Variants in SDHAF2 observed in about 807,000 individuals in gnomAD.
SDHAF2 encodes succinate dehydrogenase complex assembly factor 2.
A neutral mutation model predicts 18.5 loss-of-function variants in SDHAF2; 21 were observed. The observed-to-expected ratio is 1.13, with a 90% CI of 0.80 to 1.63. The LOEUF (loss-of-function observed/expected upper bound fraction) is 1.63. SDHAF2 is among the 40% of genes most tolerant of loss of function. SDHAF2 has a pLI of 0.00. For synonymous variants in SDHAF2, 84 were observed against 70.7 expected, an observed-to-expected ratio of 1.19 and a Z score of -0.94; for missense variants, 195 against 200.3, an observed-to-expected ratio of 0.97 and a Z score of 0.16.
At chr11:61,430,345 GCTTCCATT>G in intron 1 of SDHAF2, 163 bp downstream of exon 1, 1 of 823,988 alleles carries the variant, frequency 1.2e-6, no homozygotes. Context: ...AATAAAGGTC[GCTTCCATT>G]CTTTGGTGAG....
chr11:61,443,651 G>T (rs1438140657), intron 3 of SDHAF2, among the ~76,000 whole-genome samples: 1 of 152,096 alleles, frequency 6.6e-6, no homozygotes, highest in Non-Finnish European at 1.5e-5. Flanking sequence ...TGGCTCTGTC[G>T]CCCAGGCTGG....
chr11:61,437,564 GTAAATGAT>G, intron 1 of SDHAF2, 53 bp from the exon 2 acceptor site: 1 of 1,390,984 alleles, frequency 7.2e-7, no homozygotes, highest in Non-Finnish European at 1.0e-6. Context: ...TAAGCATTGA[GTAAATGAT>G]AGCGATGATA....
rs376560419 is a variant in SDHAF2 at position 61,437,827 on chromosome 11, T to C, written c.239T>C (p.Leu80Ser). ...TATGAGAGCAGAAAGAGGGGAATGT[T>C]GGAAAACTGCATTCTTCTTAGGTAT... The part of the protein sequence containing the change: ...LLYESRKRGM[L>S]ENCILLSLFA... Residue 80 changes from leucine to serine, a missense_variant, in exon 2 of 4, where the codon TTG becomes TCG. By Grantham distance (145) the Leu-to-Ser change is moderately radical. Transcript: ENST00000301761. 56 of 1,613,776 alleles carry C rather than the reference T, an allele frequency of 3.5e-5. No individual in the cohort carries two copies. Among genetic ancestry groups the C allele is most frequent in the Non-Finnish European group, 4.3e-5 (51 of 1,180,020 alleles).
chr11:61,430,915 T>C (rs188684718), intron 1 of SDHAF2: 1 of 152,306 alleles, frequency 6.6e-6, no homozygotes, highest in African/African-American at 2.4e-5. Flanking sequence ...ATGTAGGCGT[T>C]TACACTATAA....
chr11:61,442,986 C>G (rs1862089174), intron 3 of SDHAF2, among the ~76,000 whole-genome samples: 2 of 152,192 alleles, frequency 1.3e-5, no homozygotes, highest in South Asian at 2.1e-4. Context: ...AACTCCTGGC[C>G]TCAAGTGATC....
intron 3 of SDHAF2, among the ~76,000 whole-genome samples, chr11:61,441,369 A>G (rs1263389873): frequency 6.6e-6 from 1 of 151,986 alleles, no homozygotes; most frequent in Non-Finnish European, 1.5e-5. Context: ...CGTCTCTACT[A>G]AAAATACTGG....
rs779242759 is a variant in SDHAF2, at chr11:61,437,996, G to C, written c.261-8G>C. 3 of 1,612,366 alleles carry C rather than the reference G, an allele frequency of 1.9e-6. No individual in the cohort carries two copies. The highest frequency in any genetic ancestry group is 2.5e-6 in the Non-Finnish European group (3 of 1,179,160). The stretch of plus-strand genomic sequence containing the variant: ...ACCTCTTTTTCTTTTTTTCTTTCTT[G>C]TTTTTAGTCTTTTTGCTAAAGAACA... On this transcript the variant is annotated splice_polypyrimidine_tract_variant and splice_region_variant and intron_variant, in intron 2 of 3. Transcript: ENST00000301761.
chr11:61,440,418 G>T (rs1862049521), intron 3 of SDHAF2, among the ~76,000 whole-genome samples: 1 of 152,024 alleles, frequency 6.6e-6, no homozygotes, highest in African/African-American at 2.4e-5. Flanking sequence ...TGGCTAACAC[G>T]GTGAAACCCC....
At position 61,437,718 on chromosome 11, in the gene SDHAF2, C is replaced by T. The variant is rs2134892271; in HGVS notation, c.130C>T (p.Gln44Ter). Residue 44 changes from glutamine (Q) to a stop codon, truncating the protein, a stop_gained, in exon 2 of 4, where the codon CAA (glutamine) becomes TAA (stop). Transcript: ENST00000301761. LOFTEE classifies it high-confidence loss of function. ...CAGAGGTGACAGCCCAACAGATTCC[C>T]AAAAGGACATGATTGAAATCCCTTT... is the stretch of plus-strand genomic sequence containing the variant. ...FYRGDSPTDSQKDMIEIPLPP... is the reference protein window; with the variant it reads ...FYRGDSPTDS 1.9e-6 allele frequency: 3 copies of T among 1,614,170 alleles called. No homozygotes were observed. The highest frequency in any genetic ancestry group is 1.7e-6 in the Non-Finnish European group (2 of 1,180,030).
In SDHAF2 at chr11:61,446,413, T is replaced by C. The variant is rs1018253513; in HGVS notation, c.*342T>C. The C allele has an allele frequency of 3.3e-5, 19 of 575,398 alleles. No individual in the cohort carries two copies. The highest frequency in any genetic ancestry group is 4.5e-4 in the Middle Eastern group (1 of 2,224). 35.6% of individuals were successfully genotyped at this position (575,398 alleles called of 1,614,324 possible). On this transcript the variant is annotated 3_prime_UTR_variant, in exon 4 of 4. Coordinates refer to ENST00000301761, the MANE Select transcript of SDHAF2 (RefSeq NM_017841.4). ...GCTCATTGCCTCAGCCCAAGTGTAC[T>C]CAAAGAAAAGAGGCAGCCAGCTGTG...
intron 3 of SDHAF2, among the ~76,000 whole-genome samples, chr11:61,438,841 T>C (rs2134894006): frequency 6.6e-6 from 1 of 152,128 alleles, no homozygotes; most frequent in South Asian, 2.1e-4. Context: ...GGTTAGGAGC[T>C]TGAGAGCAGC....
intron 3 of SDHAF2, among the ~76,000 whole-genome samples, chr11:61,439,043 CA>C (rs556484264): frequency 4.7e-4 from 64 of 136,850 alleles, no homozygotes; most frequent in Non-Finnish European, 4.6e-4. Context: ...GACTATGTCT[CA>C]AAAAAAAAAA....
chr11:61,432,279 A>G (rs1861942957), intron 1 of SDHAF2: 1 of 152,116 alleles, frequency 6.6e-6, no homozygotes, highest in African/African-American at 2.4e-5. Context: ...GGGAAGTACA[A>G]TCATCCCTTT....
At position 61,446,527 on chromosome 11, in the gene SDHAF2, A is replaced by G. The variant is rs6632; in HGVS notation, c.*456A>G. The stretch of plus-strand genomic sequence containing the variant: ...GTTGAAGTGGAACTCCCCACTTCCA[A>G]CCTGGTATGGCTCCTTCTGCGAAGG... On this transcript the variant is annotated 3_prime_UTR_variant, in exon 4 of 4. Transcript: ENST00000301761. 25,184 of 484,768 alleles carry G rather than the reference A, an allele frequency of 0.052. 4,545 individuals carry two copies. Among genetic ancestry groups the G allele is most frequent in the African/African-American group, 0.41 (21,089 of 51,394 alleles). The allele number at this position is 484,768 out of a possible 1,614,324, so 30.0% of individuals were successfully genotyped here. A position where few individuals can be genotyped will look rare whatever the true frequency, so the allele number is the denominator to read the frequency against.
Position 61,430,199 on chromosome 11 carries a change from T to TTCTAGC in SDHAF2, c.36+18_36+23dup. 1 of 1,614,178 alleles carries TTCTAGC rather than the reference T, an allele frequency of 6.2e-7. No homozygotes were observed. Among genetic ancestry groups the TTCTAGC allele is most frequent in the Non-Finnish European group, 8.5e-7 (1 of 1,180,020 alleles). On this transcript the variant is annotated intron_variant, in intron 1 of 3. Coordinates refer to ENST00000301761, the MANE Select transcript of SDHAF2 (RefSeq NM_017841.4). ...TCGTCGCTGGTGAGGAGAGAGAACG[T>TTCTAGC]TCTAGCGTCCGGGGCGGGCGGCAGC...
At chr11:61,434,469 G>C (rs548115576) in intron 1 of SDHAF2, 1 of 152,172 alleles carries the variant, frequency 6.6e-6, no homozygotes, top group Non-Finnish European at 1.5e-5. Context: ...TAGCCACTGA[G>C]ACCAGCCAAT....
chr11:61,432,458 T>C (rs985327156), intron 1 of SDHAF2: 2 of 152,260 alleles, frequency 1.3e-5, no homozygotes, highest in Admixed American at 6.5e-5. Context: ...GTCAAGGCTA[T>C]GTATATGCTT....
At chr11:61,434,383 G>T (rs1275637983) in intron 1 of SDHAF2, 1 of 151,958 alleles carries the variant, frequency 6.6e-6, no homozygotes, top group Non-Finnish European at 1.5e-5. Context: ...CGCCATGTTG[G>T]CCAGGCTGGT....
At chr11:61,430,305 C>T (rs928643797) in intron 1 of SDHAF2, 123 bp downstream of exon 1, 9 of 1,255,098 alleles carry the variant, frequency 7.2e-6, no homozygotes, top group African/African-American at 2.9e-5. Context: ...AAGGGCAGGC[C>T]CAGGGAGAGG....
Sources: gnomAD v4.1 joint callset for allele counts (sites outside exome capture counted in the v4.1 genomes callset) on GRCh38, gnomAD v4.1.1 for gene constraint, MANE v1.5 for transcripts, NCBI Gene and HGNC (gene_info 2026-07-23, HGNC 2026-07-21) for gene names.